Variants in PPP4R1 observed in about 807,000 individuals in gnomAD.
PPP4R1 encodes the protein protein phosphatase 4 regulatory subunit 1.
In PPP4R1, 42 loss-of-function variants were observed where a neutral mutation model predicts 111.2. The ratio of observed to expected loss-of-function variants is 0.38; its 90% CI spans 0.29 to 0.49. PPP4R1 has a LOEUF of 0.49. Among genes scored for constraint, PPP4R1 ranks in the 20% least tolerant of loss-of-function variants. The pLI is 0.97. For missense variants in PPP4R1, 1,012 were observed against 1,161.6 expected (o/e 0.87, Z 1.87); for synonymous variants, 409 against 405.5 (o/e 1.01, Z -0.10).
intron 11 of PPP4R1, among the ~76,000 whole-genome samples, chr18:9,564,173 A>C (rs1432198932): frequency 6.6e-6 from 1 of 152,216 alleles, no homozygotes; most frequent in African/African-American, 2.4e-5. Context: ...AGCATTGCCT[A>C]TGTTTTGGGT....
chr18:9,587,387 TTTC>T (rs2067135168), intron 6 of PPP4R1: 1 of 148,120 alleles, frequency 6.8e-6, no homozygotes, highest in African/African-American at 2.6e-5. Context: ...TCTTTCTTTC[TTTC>T]TTTCTTTTTT....
At chr18:9,581,877 G>A (rs1008932049) in intron 9 of PPP4R1, among the ~76,000 whole-genome samples, 4 of 152,004 alleles carry the variant, frequency 2.6e-5, no homozygotes, top group South Asian at 2.1e-4. Flanking sequence ...ATGATTAACC[G>A]CTGACTTCAC....
chr18:9,614,499 C>T lies in PPP4R1; in HGVS notation c.-15G>A. 9.7e-7 allele frequency: 1 copy of T among 1,026,794 alleles called. No individual in the cohort carries two copies. The highest frequency in any genetic ancestry group is 1.2e-6 in the Non-Finnish European group (1 of 857,846). 63.6% of individuals were successfully genotyped at this position (1,026,794 alleles called of 1,614,324 possible). ...GTACCCGCCATCTTGTGGTCGCCCCCTCCTCCGCGGCCGCCCGGGGAGCCG... is the reference window on the plus strand; with the variant it reads ...GTACCCGCCATCTTGTGGTCGCCCCTTCCTCCGCGGCCGCCCGGGGAGCCG... On this transcript the variant is annotated 5_prime_UTR_variant, in exon 1 of 20. Transcript: ENST00000400556. This position sits in a 1 kb window ranked among gnomAD's most constrained non-coding sequence, Gnocchi z 4.1.
rs776866983 is a variant in PPP4R1, at chr18:9,559,649, A to C, written c.1843-45T>G. ...CACAGTGACTGAGCAGCTGAGATGC[A>C]TTTTGAGCAGTTTAGACATAAATTG... On this transcript the variant is annotated intron_variant, in intron 13 of 19. Coordinates refer to ENST00000400556, the MANE Select transcript of PPP4R1 (RefSeq NM_001042388.3). 10 of 1,432,688 alleles carry C rather than the reference A, an allele frequency of 7.0e-6. No homozygotes were observed. The African/African-American group carries it at 1.4e-4, about 20-fold the overall frequency. The allele number at this position is 1,432,688 out of a possible 1,614,324, so 88.7% of individuals were successfully genotyped here.
intron 6 of PPP4R1, chr18:9,587,273 G>A (rs2067132717): frequency 6.6e-6 from 1 of 151,852 alleles, no homozygotes; most frequent in Non-Finnish European, 1.5e-5. Flanking sequence ...TTCGTATTGT[G>A]TGCAGAAGGT....
intron 11 of PPP4R1, among the ~76,000 whole-genome samples, chr18:9,569,599 C>T (rs2066827012): frequency 1.3e-5 from 2 of 152,068 alleles, no homozygotes; most frequent in African/African-American, 4.8e-5. Flanking sequence ...GTATAAATTA[C>T]AGTAAGGAAT....
chr18:9,567,399 G>T (rs1328839615), intron 11 of PPP4R1, among the ~76,000 whole-genome samples: 1 of 152,130 alleles, frequency 6.6e-6, no homozygotes, highest in Non-Finnish European at 1.5e-5. Context: ...TGTTGTCCAG[G>T]CTGGAGTATA....
At chr18:9,584,967 T>C in intron 6 of PPP4R1, 139 bp from the exon 7 acceptor site, 2 of 602,310 alleles carry the variant, frequency 3.3e-6, no homozygotes, top group Non-Finnish European at 5.5e-6. Context: ...ACAGAAAACA[T>C]TCATAGCCAA....
At chr18:9,584,985 T>C (rs1364788412) in intron 6 of PPP4R1, among the ~76,000 whole-genome samples, 157 bp from the exon 7 acceptor site, 6 of 152,168 alleles carry the variant, frequency 3.9e-5, no homozygotes, top group Non-Finnish European at 8.8e-5. Context: ...CAATTATTAA[T>C]TTCATCTTAT....
At chr18:9,559,939 T>C (rs2066646149) in intron 13 of PPP4R1, among the ~76,000 whole-genome samples, 1 of 152,132 alleles carries the variant, frequency 6.6e-6, no homozygotes, top group Non-Finnish European at 1.5e-5. Flanking sequence ...ACAATGTTTG[T>C]TATAACCCAG....
intron 10 of PPP4R1, among the ~76,000 whole-genome samples, chr18:9,571,451 T>C (rs1186041613): frequency 6.6e-6 from 1 of 152,222 alleles, no homozygotes; most frequent in African/African-American, 2.4e-5. Flanking sequence ...AGCCAGGAAA[T>C]GAAATCAGTA....
chr18:9,555,184 C>T (rs1239785560), intron 15 of PPP4R1, among the ~76,000 whole-genome samples: 2 of 151,922 alleles, frequency 1.3e-5, no homozygotes, highest in African/African-American at 4.8e-5. Context: ...GCCTGTGGCC[C>T]CAGCTACTCA....
chr18:9,554,722 A>G (rs988706646), intron 15 of PPP4R1, among the ~76,000 whole-genome samples: 1 of 152,234 alleles, frequency 6.6e-6, no homozygotes, highest in Non-Finnish European at 1.5e-5. Context: ...AAAGGACCAC[A>G]GTTCCTTGGA....
intron 4 of PPP4R1, among the ~76,000 whole-genome samples, chr18:9,592,952 C>T (rs2067236335): frequency 6.6e-6 from 1 of 152,076 alleles, no homozygotes; most frequent in Non-Finnish European, 1.5e-5. Context: ...AAATGTTCTG[C>T]CCACCCTGTA....
chr18:9,561,264 A>AATAAT (rs2066672514), intron 13 of PPP4R1, among the ~76,000 whole-genome samples: 2 of 143,484 alleles, frequency 1.4e-5, no homozygotes, highest in African/African-American at 5.1e-5. Context: ...ATAATAATAA[A>AATAAT]GTCATAGAAG....
At position 9,570,632 on chromosome 18, in the gene PPP4R1, A is replaced by C. The variant is rs766950373; in HGVS notation, c.1098T>G (p.Thr366=). The C allele has an allele frequency of 9.3e-6, 15 of 1,612,674 alleles. No individual in the cohort carries two copies. The highest frequency in any genetic ancestry group is 1.3e-5 in the Non-Finnish European group (15 of 1,179,398). ...PEDVQVRPED[T]PSDLSVSNSS... ...AATTACTAACACTGAGATCTGAAGGAGTATCCTCTGGCCTGACTTGTACAT... is the reference window on the plus strand; with the variant it reads ...AATTACTAACACTGAGATCTGAAGGCGTATCCTCTGGCCTGACTTGTACAT... The change falls in exon 11 of 20, where the codon ACT becomes ACG. Residue 366 remains threonine, a synonymous_variant. Transcript: ENST00000400556.
Position 9,563,462 on chromosome 18 carries a change from C to G in PPP4R1, c.1662G>C (p.Leu554Phe), listed in dbSNP as rs1021877589. ...ETISIEKRSD[L>F]QDELDINELP... ...GCTCATTTATATCCAGTTCATCTTG[C>G]AAATCACTTCTCTTTTCTATACTGA... The change falls in exon 12 of 20, where the codon TTG (leucine) becomes TTC (phenylalanine). Residue 554 changes from leucine (L) to phenylalanine (F), a missense_variant. Physicochemically the swap from Leu to Phe is conservative, Grantham distance 22. This residue lies in a region of PPP4R1 where 707 missense variants were observed against 742.1 expected (regional missense o/e 0.95). Coordinates refer to ENST00000400556, the MANE Select transcript of PPP4R1 (RefSeq NM_001042388.3). 6.2e-7 allele frequency: 1 copy of G among 1,608,090 alleles called. No homozygotes were observed. Among genetic ancestry groups the G allele is most frequent in the African/African-American group, 1.3e-5 (1 of 74,804 alleles).
At position 9,562,900 on chromosome 18, in the gene PPP4R1, T is replaced by C. The variant is rs1317819981; in HGVS notation, c.1746+478A>G. ...AACAGCTACAAGTACACAGTGAAGATGATGCTAGGATCAGTACCCACCCTC... is the reference window on the plus strand; with the variant it reads ...AACAGCTACAAGTACACAGTGAAGACGATGCTAGGATCAGTACCCACCCTC... On this transcript the variant is annotated intron_variant, in intron 12 of 19. Transcript: ENST00000400556. The C allele has an allele frequency of 1.0e-5, 10 of 986,510 alleles. No homozygotes were observed. The African/African-American group carries it at 1.7e-4, about 17-fold the overall frequency. 61.1% of individuals were successfully genotyped at this position (986,510 alleles called of 1,614,324 possible).
chr18:9,549,170 G>A (rs376362954), intron 19 of PPP4R1, 27 bp downstream of exon 19: 13 of 1,600,288 alleles, frequency 8.1e-6, no homozygotes, highest in Middle Eastern at 1.7e-4. Flanking sequence ...CTACTCACAC[G>A]CTTCTTCTAG....
Sources: gnomAD v4.1 joint callset for allele counts (sites outside exome capture counted in the v4.1 genomes callset) on GRCh38, gnomAD v4.1.1 for gene constraint, gnomAD v4.1.1 regional missense constraint, Gnocchi (gnomAD v3.1) non-coding constraint, MANE v1.5 for transcripts, NCBI Gene and HGNC (gene_info 2026-07-23, HGNC 2026-07-21) for gene names.